The following PPP6R3 variants were observed in gnomAD, a reference collection of about 807,000 sequenced individuals.
PPP6R3 encodes serine/threonine-protein phosphatase 6 regulatory subunit 3.
PPP6R3 carries 38 observed loss-of-function variants against 110.7 expected under a neutral mutation model. The observed-to-expected ratio is 0.34, with a 90% CI of 0.26 to 0.45. The LOEUF is 0.45. Ranked by LOEUF, PPP6R3 falls within the 20% of genes least tolerant of loss-of-function variation. The pLI, the probability that PPP6R3 is intolerant of heterozygous loss-of-function variation, is 1.00. For synonymous variants in PPP6R3, 369 were observed against 373.5 expected (o/e 0.99, Z 0.14); for missense variants, 870 against 1,062.4 (o/e 0.82, Z 2.52).
At chr11:68,573,605 A>C (rs1174243643) in intron 12 of PPP6R3, among the ~76,000 whole-genome samples, 3 of 152,166 alleles carry the variant, frequency 2.0e-5, no homozygotes, top group African/African-American at 7.2e-5. Context: ...ACATCAGCTA[A>C]TATCTTAACT....
chr11:68,593,130 C>G (rs958628596), intron 18 of PPP6R3, among the ~76,000 whole-genome samples: 4 of 152,198 alleles, frequency 2.6e-5, no homozygotes, highest in Non-Finnish European at 5.9e-5. Flanking sequence ...CAATCAACAT[C>G]ATGAATTTAA....
intron 15 of PPP6R3, among the ~76,000 whole-genome samples, chr11:68,585,249 C>G (rs764808527): frequency 6.6e-6 from 1 of 152,178 alleles, no homozygotes; most frequent in African/African-American, 2.4e-5. Context: ...GGTGAGGCCC[C>G]CATGGAGGTC....
At chr11:68,588,079 GATGT>G in intron 16 of PPP6R3, 55 bp downstream of exon 16, 1 of 1,436,596 alleles carries the variant, frequency 7.0e-7, no homozygotes, top group Non-Finnish European at 9.8e-7. Flanking sequence ...GCTCTTGGTA[GATGT>G]ATGTGTGATT....
intron 1 of PPP6R3, among the ~76,000 whole-genome samples, chr11:68,483,025 A>G (rs1278423129): frequency 6.6e-6 from 1 of 152,170 alleles, no homozygotes; most frequent in Non-Finnish European, 1.5e-5. Flanking sequence ...TATTATCACA[A>G]ACAATTCAGC....
chr11:68,491,508 T>G (rs567003394), intron 1 of PPP6R3, among the ~76,000 whole-genome samples: 1 of 152,062 alleles, frequency 6.6e-6, no homozygotes, highest in Non-Finnish European at 1.5e-5. Context: ...TGTGCCCAGC[T>G]ATTTTTTTAA....
At chr11:68,609,723 T>C in intron 22 of PPP6R3, 181 bp from the exon 23 acceptor site, 1 of 1,564,816 alleles carries the variant, frequency 6.4e-7, no homozygotes, top group South Asian at 1.1e-5. Context: ...CCTTTCCTTT[T>C]GTGATTCCCC....
rs752934721 is a variant in PPP6R3 at position 68,564,363 on chromosome 11, C to T, written c.906C>T (p.Asn302=). 2 of 1,613,322 alleles carry T rather than the reference C, an allele frequency of 1.2e-6. No homozygotes were observed. Among genetic ancestry groups the T allele is most frequent in the Non-Finnish European group, 8.5e-7 (1 of 1,179,240 alleles). The stretch of plus-strand genomic sequence containing the variant: ...TGAGCCATTCAGCTTGTTCAGTAAA[C>T]AAGAGTGTTCTAGAAGCCATCAGAG... ...PGMSHSACSV[N]KSVLEAIRGR... is the part of the protein sequence containing the mutation. The change falls in exon 9 of 24, where the codon AAC becomes AAT. Residue 302 remains asparagine (N), a synonymous_variant. Transcript: ENST00000393800.
At chr11:68,526,912 T>G (rs2099201891) in intron 2 of PPP6R3, among the ~76,000 whole-genome samples, 1 of 152,232 alleles carries the variant, frequency 6.6e-6, no homozygotes, top group Non-Finnish European at 1.5e-5. Context: ...TTGAACTAGT[T>G]GACAAAAGTA....
At chr11:68,509,718 T>C (rs1363590356) in intron 1 of PPP6R3, among the ~76,000 whole-genome samples, 6 of 150,310 alleles carry the variant, frequency 4.0e-5, no homozygotes, top group Non-Finnish European at 8.9e-5. Flanking sequence ...TAGCTGGGAC[T>C]AGACATAAGC....
chr11:68,508,360 G>A (rs943156912), intron 1 of PPP6R3, among the ~76,000 whole-genome samples: 1 of 151,952 alleles, frequency 6.6e-6, no homozygotes, highest in African/African-American at 2.4e-5. Context: ...TGGAACTCCT[G>A]ACCTCGTGAT....
chr11:68,462,981 T>C (rs1314372879), intron 1 of PPP6R3, among the ~76,000 whole-genome samples: 2 of 152,186 alleles, frequency 1.3e-5, no homozygotes, highest in Admixed American at 1.3e-4. Flanking sequence ...AAAAAGTTGT[T>C]AGTTTCAATG....
chr11:68,612,966 T>TA, intron 23 of PPP6R3, 100 bp from the exon 24 acceptor site: 1 of 1,573,014 alleles, frequency 6.4e-7, no homozygotes, highest in South Asian at 1.2e-5. Context: ...AAAACAATGT[T>TA]AAAATAAGTT....
chr11:68,573,369 T>G (rs942544719), intron 12 of PPP6R3, among the ~76,000 whole-genome samples: 3 of 151,780 alleles, frequency 2.0e-5, no homozygotes, highest in African/African-American at 7.3e-5. Context: ...CAGGATGGTC[T>G]CAAACTCCTG....
chr11:68,565,137 G>A (rs2099456014), intron 9 of PPP6R3, among the ~76,000 whole-genome samples: 1 of 151,216 alleles, frequency 6.6e-6, no homozygotes. Flanking sequence ...TATCTCGGTG[G>A]TTATCTACTG....
chr11:68,536,354 C>T (rs974697473), intron 2 of PPP6R3, among the ~76,000 whole-genome samples: 1 of 151,962 alleles, frequency 6.6e-6, no homozygotes, highest in African/African-American at 2.4e-5. Flanking sequence ...GGAGAACAAT[C>T]ATGGCTTACA....
At chr11:68,538,053 G>T (rs1248157158) in intron 3 of PPP6R3, among the ~76,000 whole-genome samples, 162 bp downstream of exon 3, 1 of 152,010 alleles carries the variant, frequency 6.6e-6, no homozygotes, top group East Asian at 1.9e-4. Flanking sequence ...CATTCTAGCA[G>T]TAAGTCCAGG....
intron 18 of PPP6R3, among the ~76,000 whole-genome samples, chr11:68,593,095 A>G (rs1210056893): frequency 6.6e-6 from 1 of 152,230 alleles, no homozygotes; most frequent in Non-Finnish European, 1.5e-5. Context: ...TTCAACATGT[A>G]TATACATCCG....
chr11:68,464,016 C>T (rs1296287178), intron 1 of PPP6R3, among the ~76,000 whole-genome samples: 1 of 152,320 alleles, frequency 6.6e-6, no homozygotes, highest in African/African-American at 2.4e-5. Context: ...GTTGAGAAAT[C>T]CTGCACTTAG....
intron 2 of PPP6R3, among the ~76,000 whole-genome samples, chr11:68,533,371 TG>T (rs1217364156): frequency 4.6e-5 from 7 of 152,118 alleles, no homozygotes; most frequent in Non-Finnish European, 7.4e-5. Context: ...TATTTCAAGG[TG>T]TTCTTATTTG....
Sources: gnomAD v4.1 joint callset for allele counts (sites outside exome capture counted in the v4.1 genomes callset) on GRCh38, gnomAD v4.1.1 for gene constraint, MANE v1.5 for transcripts, NCBI Gene and HGNC (gene_info 2026-07-23, HGNC 2026-07-21) for gene names.